Variants in ATRNL1 observed in about 807,000 individuals in gnomAD.
ATRNL1 encodes the protein attractin-like protein 1.
In ATRNL1, 95 loss-of-function variants were observed where a neutral mutation model predicts 182.7. That is an observed-to-expected ratio of 0.52 (90% CI 0.44 to 0.62). The LOEUF (loss-of-function observed/expected upper bound fraction) is 0.62, where lower values mean the gene tolerates loss of function less well. ATRNL1 is among the 20% of genes least tolerant of loss of function. ATRNL1 has a pLI of 0.00. For synonymous variants in ATRNL1, 576 were observed against 568.3 expected, an observed-to-expected ratio of 1.01 and a Z score of -0.19; for missense variants, 1,471 against 1,679.5, an observed-to-expected ratio of 0.88 and a Z score of 2.17.
At chr10:115,880,664 C>T (rs188592640) in intron 28 of ATRNL1, among the ~76,000 whole-genome samples, 1 of 152,234 alleles carries the variant, frequency 6.6e-6, no homozygotes, top group Non-Finnish European at 1.5e-5. Context: ...TACTGTGGAA[C>T]TGGAAGGGCC....
At chr10:115,635,248 A>G (rs1165271293) in intron 26 of ATRNL1, among the ~76,000 whole-genome samples, 1 of 151,994 alleles carries the variant, frequency 6.6e-6, no homozygotes, top group African/African-American at 2.4e-5. Flanking sequence ...TAAATCTCAT[A>G]TTCAGAATAC....
At chr10:115,334,794 T>C (rs1554936216) in intron 19 of ATRNL1, among the ~76,000 whole-genome samples, 1 of 152,210 alleles carries the variant, frequency 6.6e-6, no homozygotes, top group African/African-American at 2.4e-5. Context: ...TGTGTTTAAC[T>C]TACATCAGGT....
At chr10:115,533,292 T>C (rs537755782) in intron 25 of ATRNL1, among the ~76,000 whole-genome samples, 22 of 152,218 alleles carry the variant, frequency 1.4e-4, no homozygotes, top group African/African-American at 4.3e-4. Flanking sequence ...GTGTTATTGG[T>C]CTATTCAGAG....
rs1336106560 is a variant in ATRNL1, at chr10:115,945,631, A to T, written c.*852A>T. On this transcript the variant is annotated 3_prime_UTR_variant, in exon 29 of 29. Coordinates refer to ENST00000355044, the MANE Select transcript of ATRNL1 (RefSeq NM_207303.4). ...TATGATAATTTTTAATTGCCTAAGA[A>T]TCATTGGATCAGACCTAAATGATCC... 2 of 152,182 alleles carry T rather than the reference A, an allele frequency of 1.3e-5. No individual in the cohort carries two copies. The highest frequency in any genetic ancestry group is 2.9e-5 in the Non-Finnish European group (2 of 68,024). The allele number at this position is 152,182 out of a possible 1,614,324, so 9.4% of individuals were successfully genotyped here.
chr10:115,747,550 T>C (rs1437537387), intron 27 of ATRNL1, among the ~76,000 whole-genome samples: 3 of 152,096 alleles, frequency 2.0e-5, no homozygotes, highest in Admixed American at 6.6e-5. Flanking sequence ...AGTATCATTC[T>C]TTGTGGTTGT....
At chr10:115,256,644 T>G (rs1035707536) in intron 10 of ATRNL1, among the ~76,000 whole-genome samples, 2 of 152,206 alleles carry the variant, frequency 1.3e-5, no homozygotes, top group African/African-American at 4.8e-5. Context: ...CTTTCACTTC[T>G]GCTCTGATCT....
chr10:115,690,873 G>A (rs1279188489), intron 26 of ATRNL1, among the ~76,000 whole-genome samples: 4 of 152,102 alleles, frequency 2.6e-5, no homozygotes, highest in Non-Finnish European at 4.4e-5. Flanking sequence ...TTCTGTGGGC[G>A]TAAGAACTCT....
At chr10:115,311,754 A>C (rs1007424287) in intron 17 of ATRNL1, among the ~76,000 whole-genome samples, 4 of 152,042 alleles carry the variant, frequency 2.6e-5, no homozygotes, top group Non-Finnish European at 4.4e-5. Flanking sequence ...TCTTAGGTCT[A>C]GTATTGATTG....
chr10:115,792,119 C>T (rs1160073222), intron 27 of ATRNL1, among the ~76,000 whole-genome samples: 1 of 152,066 alleles, frequency 6.6e-6, no homozygotes, highest in African/African-American at 2.4e-5. Context: ...ATAATGTGCT[C>T]AATCATTTCA....
At chr10:115,697,260 A>G (rs1555050131) in intron 26 of ATRNL1, among the ~76,000 whole-genome samples, 1 of 152,046 alleles carries the variant, frequency 6.6e-6, no homozygotes, top group African/African-American at 2.4e-5. Flanking sequence ...TTTCCTTGTA[A>G]ATTTGTTTAA....
chr10:115,646,036 T>TACATAC (rs1859589050), intron 26 of ATRNL1, among the ~76,000 whole-genome samples: 1 of 141,558 alleles, frequency 7.1e-6, no homozygotes. Context: ...TTTTAAAATT[T>TACATAC]ACACACACAC....
chr10:115,649,221 A>G (rs1309446601), intron 26 of ATRNL1, among the ~76,000 whole-genome samples: 2 of 152,168 alleles, frequency 1.3e-5, no homozygotes, highest in Non-Finnish European at 2.9e-5. Context: ...AAAGATTAAA[A>G]ATTTGCTATT....
chr10:115,549,269 T>A (rs1305420699), intron 25 of ATRNL1, among the ~76,000 whole-genome samples, 189 bp from the exon 26 acceptor site: 1 of 152,068 alleles, frequency 6.6e-6, no homozygotes, highest in Non-Finnish European at 1.5e-5. Context: ...AATATAAATA[T>A]TTTTTCTACC....
intron 26 of ATRNL1, among the ~76,000 whole-genome samples, chr10:115,714,524 C>T (rs1338420620): frequency 1.3e-5 from 2 of 152,200 alleles, no homozygotes; most frequent in East Asian, 3.9e-4. Flanking sequence ...CCAGGCGGCC[C>T]ATTTTACTTG....
intron 28 of ATRNL1, among the ~76,000 whole-genome samples, chr10:115,850,976 A>AT (rs1415462409): frequency 6.6e-6 from 1 of 152,054 alleles, no homozygotes; most frequent in East Asian, 1.9e-4. Flanking sequence ...TGGGCTATTT[A>AT]TTTCTCCAAA....
chr10:115,184,014 G>A (rs782206810), intron 8 of ATRNL1, among the ~76,000 whole-genome samples: 6 of 151,060 alleles, frequency 4.0e-5, no homozygotes, highest in Non-Finnish European at 7.4e-5. Flanking sequence ...GGATGCCTGG[G>A]TATACATCCC....
chr10:115,625,610 G>A (rs1858045506), intron 26 of ATRNL1, among the ~76,000 whole-genome samples: 1 of 152,042 alleles, frequency 6.6e-6, no homozygotes, highest in Non-Finnish European at 1.5e-5. Flanking sequence ...AAACACCTTT[G>A]CAGGTGTTTT....
At chr10:115,827,301 C>A (rs1173123880) in intron 27 of ATRNL1, among the ~76,000 whole-genome samples, 5 of 152,224 alleles carry the variant, frequency 3.3e-5, no homozygotes, top group African/African-American at 9.6e-5. Context: ...TCAGGCCACA[C>A]CCCCTGCAAA....
intron 20 of ATRNL1, among the ~76,000 whole-genome samples, chr10:115,402,714 A>T (rs972036143): frequency 6.6e-6 from 1 of 152,196 alleles, no homozygotes; most frequent in Non-Finnish European, 1.5e-5. Context: ...ATATATGGCA[A>T]TATTACTAAT....
Sources: allele counts gnomAD v4.1 joint callset (sites outside exome capture counted in the v4.1 genomes callset), GRCh38; gene constraint gnomAD v4.1.1; transcripts MANE v1.5; gene names NCBI Gene and HGNC (gene_info 2026-07-23, HGNC 2026-07-21).